The following KIDINS220 variants were observed in gnomAD, a reference collection of about 807,000 sequenced individuals.
The protein encoded by KIDINS220 is kinase D-interacting substrate of 220 kDa.
A neutral mutation model predicts 157.6 loss-of-function variants in KIDINS220; 63 were observed. That is an observed-to-expected ratio of 0.40 (90% CI 0.33 to 0.49). The LOEUF (loss-of-function observed/expected upper bound fraction) is 0.49, where lower values mean the gene tolerates loss of function less well. KIDINS220 is among the 20% of genes least tolerant of loss of function. The pLI, the probability that KIDINS220 is intolerant of heterozygous loss-of-function variation, is 0.66. For synonymous variants in KIDINS220, 732 were observed against 783.6 expected (o/e 0.93, Z 1.10); for missense variants, 1,772 against 2,171.2 (o/e 0.82, Z 3.65).
At chr2:8,786,851 T>C (rs1672465872) in intron 15 of KIDINS220, among the ~76,000 whole-genome samples, 1 of 152,254 alleles carries the variant, frequency 6.6e-6, no homozygotes, top group African/African-American at 2.4e-5. Flanking sequence ...GCATGGCTTA[T>C]TTTATTTATA....
intron 12 of KIDINS220, among the ~76,000 whole-genome samples, chr2:8,793,437 A>T (rs1673476717): frequency 6.6e-6 from 1 of 152,170 alleles, no homozygotes; most frequent in Non-Finnish European, 1.5e-5. Context: ...TTGAGGTTGC[A>T]GTGAGCTATG....
chr2:8,823,985 AC>A (rs1678386625), intron 2 of KIDINS220, among the ~76,000 whole-genome samples: 1 of 152,086 alleles, frequency 6.6e-6, no homozygotes, highest in Non-Finnish European at 1.5e-5. Flanking sequence ...CAAAAAAAAA[AC>A]ATAGAGCTTA....
At chr2:8,782,982 G>A (rs561914281) in intron 17 of KIDINS220, among the ~76,000 whole-genome samples, 1 of 152,182 alleles carries the variant, frequency 6.6e-6, no homozygotes, top group East Asian at 1.9e-4. Context: ...TGGATCACCT[G>A]AGGTCAGGAG....
intron 8 of KIDINS220, among the ~76,000 whole-genome samples, chr2:8,802,088 A>G (rs543020126): frequency 1.3e-5 from 2 of 152,340 alleles, no homozygotes; most frequent in African/African-American, 4.8e-5. Context: ...AAGGGAAAGA[A>G]GCAAACATGG....
At position 8,818,685 on chromosome 2, in the gene KIDINS220, T is replaced by G; in HGVS notation, c.207+10A>C. 6.9e-7 allele frequency: 1 copy of G among 1,451,018 alleles called. No homozygotes were observed. The highest frequency in any genetic ancestry group is 9.6e-7 in the Non-Finnish European group (1 of 1,043,296). 89.9% of individuals were successfully genotyped at this position (1,451,018 alleles called of 1,614,324 possible). A position where few individuals can be genotyped will look rare whatever the true frequency, so the allele number is the denominator to read the frequency against. On this transcript the variant is annotated intron_variant, in intron 3 of 29. Coordinates refer to ENST00000256707, the MANE Select transcript of KIDINS220 (RefSeq NM_020738.4). The stretch of plus-strand genomic sequence containing the variant: ...TGAGTAAATGATGAGTAAATTATTT[T>G]AATATATACCAAATCTTCCAGATTG...
chr2:8,764,884 A>G (rs957071971), intron 22 of KIDINS220, among the ~76,000 whole-genome samples: 1 of 152,208 alleles, frequency 6.6e-6, no homozygotes, highest in African/African-American at 2.4e-5. Flanking sequence ...GTTACAGTTC[A>G]TGAAGTGTAT....
At chr2:8,792,938 GA>G (rs1673407536) in intron 12 of KIDINS220, among the ~76,000 whole-genome samples, 1 of 152,092 alleles carries the variant, frequency 6.6e-6, no homozygotes. Context: ...CTCAATGTAC[GA>G]AAAATTATGC....
At chr2:8,776,955 T>G in intron 20 of KIDINS220, 63 bp from the exon 21 acceptor site, 1 of 1,526,190 alleles carries the variant, frequency 6.6e-7, no homozygotes, top group Admixed American at 2.2e-5. Flanking sequence ...TTAAGGCTTT[T>G]TGAGATGTTA....
Position 8,827,039 on chromosome 2 carries a change from G to A in KIDINS220, c.55C>T (p.Pro19Ser), listed in dbSNP as rs747662702. The A allele has an allele frequency of 7.5e-6, 12 of 1,609,850 alleles. No homozygotes were observed. The South Asian group carries it at 1.3e-4, about 18-fold the overall frequency. Residue 19 changes from proline (P) to serine (S), a missense_variant, in exon 2 of 30, where the codon CCT (proline) becomes TCT (serine). By Grantham distance (74) the Pro-to-Ser change is moderately conservative. Around this residue, in one of 3 missense-constraint regions of KIDINS220, gnomAD observed 254 missense variants for 268.6 expected, o/e 0.95. Coordinates refer to ENST00000256707, the MANE Select transcript of KIDINS220 (RefSeq NM_020738.4). The stretch of plus-strand genomic sequence containing the variant: ...TTTTCAAGAAGAGCTTTCAGAGCAG[G>A]AATGTTTTCTTCCTCTACATAATTT... Reference protein sequence around the residue: ...VINYVEEENIPALKALLEKCK... With the variant: ...VINYVEEENISALKALLEKCK...
chr2:8,743,037 G>A (rs1299501932), intron 26 of KIDINS220, among the ~76,000 whole-genome samples: 1 of 152,138 alleles, frequency 6.6e-6, no homozygotes, highest in East Asian at 1.9e-4. Context: ...GACCTGGCCA[G>A]ACACAGGGCC....
At chr2:8,819,867 G>A (rs949607823) in intron 2 of KIDINS220, among the ~76,000 whole-genome samples, 19 of 152,164 alleles carry the variant, frequency 1.2e-4, no homozygotes, top group African/African-American at 4.1e-4. Context: ...GGAAGTACCA[G>A]GTTAAAGAGT....
At chr2:8,746,971 G>A (rs547075513) in intron 26 of KIDINS220, 174 bp downstream of exon 26, 5 of 540,312 alleles carry the variant, frequency 9.3e-6, no homozygotes, top group Admixed American at 2.9e-5. Flanking sequence ...TTAAACATCC[G>A]CTTTTTAATT....
At chr2:8,755,192 C>A (rs1032297186) in intron 22 of KIDINS220, among the ~76,000 whole-genome samples, 1 of 152,342 alleles carries the variant, frequency 6.6e-6, no homozygotes, top group Admixed American at 6.5e-5. Context: ...CAGGAGCTGG[C>A]TACACCCTTC....
intron 23 of KIDINS220, among the ~76,000 whole-genome samples, chr2:8,751,209 G>A (rs1315473816): frequency 1.5e-5 from 2 of 136,088 alleles, no homozygotes; most frequent in Admixed American, 1.5e-4. Flanking sequence ...GAGGGGTGGG[G>A]ACAGGGATCA....
rs553180420 is a variant in KIDINS220 at position 8,758,713 on chromosome 2, T to C, written c.3012-7069A>G. ...ACGCATTTACAGCCATAAATTTCCC[T>C]CTGAGTACTGCCTTTGCTGCATCCC... is the stretch of plus-strand genomic sequence containing the variant. On this transcript the variant is annotated intron_variant, in intron 22 of 29. Transcript: ENST00000256707. 4.6e-5 allele frequency among the ~76,000 whole-genome samples: 7 copies of C among 152,294 alleles called. No homozygotes were observed. In the South Asian group the frequency reaches 1.4e-3, roughly 32 times the overall value.
rs540435464 is a variant in KIDINS220 at position 8,729,639 on chromosome 2, A to G, written c.*1081T>C. ...GTTACATGTTTCCAAATTTTTTTTT[A>G]AAAAGTATTTCCTTTCTTATGATCC... On this transcript the variant is annotated 3_prime_UTR_variant, in exon 30 of 30. Transcript: ENST00000256707. The G allele has an allele frequency of 6.1e-6, 6 of 982,108 alleles. No individual in the cohort carries two copies. The South Asian group carries it at 1.9e-4, about 31-fold the overall frequency. The allele number at this position is 982,108 out of a possible 1,614,324, so 60.8% of individuals were successfully genotyped here.
chr2:8,739,317 G>T (rs974963832), intron 26 of KIDINS220, among the ~76,000 whole-genome samples: 2 of 152,082 alleles, frequency 1.3e-5, no homozygotes, highest in African/African-American at 4.8e-5. Context: ...GGGACATTAA[G>T]ATCTTTGTAA....
intron 17 of KIDINS220, among the ~76,000 whole-genome samples, chr2:8,783,620 A>T (rs1471396103): frequency 1.7e-5 from 2 of 120,148 alleles, no homozygotes; most frequent in African/African-American, 6.0e-5. Flanking sequence ...GGACTAACAA[A>T]CAATTATAGC....
In KIDINS220 at chr2:8,785,995, A is replaced by T. The variant is rs755572657; in HGVS notation, c.1975T>A (p.Ser659Thr). ...KKWKKTCCLP[S>T]FVIFLFIIGC... ...ATGATAAAAAGGAAGATGACAAAAG[A>T]TGGGAGACAACATGTTTTTTTCCAT... Residue 659 changes from serine (S) to threonine (T), a missense_variant, in exon 17 of 30, where the codon TCT becomes ACT. Transcript: ENST00000256707. 32 of 1,610,810 alleles carry T rather than the reference A, an allele frequency of 2.0e-5. 1 individual carries two copies. In the South Asian group the frequency reaches 3.6e-4, roughly 18 times the overall value.
Sources: gnomAD v4.1 joint callset for allele counts (sites outside exome capture counted in the v4.1 genomes callset) on GRCh38, gnomAD v4.1.1 for gene constraint, gnomAD v4.1.1 regional missense constraint, MANE v1.5 for transcripts, NCBI Gene and HGNC (gene_info 2026-07-23, HGNC 2026-07-21) for gene names.